The following RXFP1 variants were observed in gnomAD, a reference collection of about 807,000 sequenced individuals.
RXFP1 encodes the protein relaxin family peptide receptor 1.
RXFP1 carries 73 observed loss-of-function variants against 89.8 expected under a neutral mutation model. The ratio of observed to expected loss-of-function variants is 0.81; its 90% CI spans 0.67 to 0.99. The LOEUF (loss-of-function observed/expected upper bound fraction) is 0.99, where lower values mean the gene tolerates loss of function less well. Ranked by LOEUF, RXFP1 falls within the 50% of genes least tolerant of loss-of-function variation. The pLI, the probability that RXFP1 is intolerant of heterozygous loss-of-function variation, is 0.00. For missense variants in RXFP1, 793 were observed against 895.5 expected (o/e 0.89, Z 1.46); for synonymous variants, 277 against 305.5 (o/e 0.91, Z 0.97).
chr4:158,553,262 A>C (rs1223577652), intron 1 of RXFP1, among the ~76,000 whole-genome samples: 1 of 152,226 alleles, frequency 6.6e-6, no homozygotes, highest in Non-Finnish European at 1.5e-5. Flanking sequence ...AGAGATAAGA[A>C]ATGGCGATAT....
intron 2 of RXFP1, among the ~76,000 whole-genome samples, chr4:158,589,033 T>A (rs2150053610): frequency 6.6e-6 from 1 of 152,292 alleles, no homozygotes; most frequent in South Asian, 2.1e-4. Flanking sequence ...TGACTCACAA[T>A]TCCACATGGC....
Position 158,598,384 on chromosome 4 carries a change from A to G in RXFP1, c.287-942A>G, listed in dbSNP as rs565756086. ...GCACTTGGACATCTGGACACAGTCT[A>G]CAGTGACATTGCCTGACCGCTGGAG... On this transcript the variant is annotated intron_variant, in intron 3 of 17. Coordinates refer to ENST00000307765, the MANE Select transcript of RXFP1 (RefSeq NM_021634.4). Among the ~76,000 whole-genome samples the G allele has an allele frequency of 1.7e-4, 26 of 152,268 alleles. 1 individual carries two copies. The South Asian group carries it at 5.4e-3, about 31-fold the overall frequency.
chr4:158,612,125 TC>T lies in RXFP1; in HGVS notation c.537-3del. The T allele has an allele frequency of 1.9e-6, 3 of 1,593,266 alleles. No homozygotes were observed. Among genetic ancestry groups the T allele is most frequent in the Middle Eastern group, 1.7e-4 (1 of 5,844 alleles). On this transcript the variant is annotated splice_region_variant and splice_polypyrimidine_tract_variant and intron_variant, in intron 6 of 17. Coordinates refer to ENST00000307765, the MANE Select transcript of RXFP1 (RefSeq NM_021634.4). ...AATTTATTGTAGTTATTTCTCCTTT[TC>T]CAGGTATCTCAGTCATAACAGAATA...
At chr4:158,604,420 C>G (rs1762218360) in intron 4 of RXFP1, among the ~76,000 whole-genome samples, 2 of 152,050 alleles carry the variant, frequency 1.3e-5, no homozygotes, top group Admixed American at 1.3e-4. Context: ...ATTTATTTTG[C>G]TTTTACTACA....
rs552974418 is a variant in RXFP1, at chr4:158,529,091, T to C, written c.49+7066T>C. ...TTTCAATCCTCACCTTTGTGGGGAT[T>C]GAAAGGACACTCACAGAGCAACACA... On this transcript the variant is annotated intron_variant, in intron 1 of 17. Coordinates refer to ENST00000307765, the MANE Select transcript of RXFP1 (RefSeq NM_021634.4). 3.3e-5 allele frequency among the ~76,000 whole-genome samples: 5 copies of C among 152,300 alleles called. No homozygotes were observed. In the South Asian group the frequency reaches 1.0e-3, roughly 32 times the overall value.
chr4:158,564,029 T>TA (rs935324261), intron 1 of RXFP1, among the ~76,000 whole-genome samples: 4 of 151,002 alleles, frequency 2.6e-5, no homozygotes, highest in Admixed American at 1.3e-4. Context: ...ACAATTACTT[T>TA]AAAAAAAACT....
Position 158,651,901 on chromosome 4 carries a change from G to T in RXFP1, c.2120G>T (p.Ser707Ile), listed in dbSNP as rs187147299. The change falls in exon 18 of 18, where the codon AGC (serine) becomes ATC (isoleucine). Residue 707 changes from serine to isoleucine, a missense_variant. Physicochemically the swap from Ser to Ile is moderately radical, Grantham distance 142. Coordinates refer to ENST00000307765, the MANE Select transcript of RXFP1 (RefSeq NM_021634.4). Reference protein sequence around the residue: ...YNYRQRKSMDSKGQKTYAPSF... With the variant: ...YNYRQRKSMDIKGQKTYAPSF... ...TACAGACAAAGAAAATCTATGGACA[G>T]CAAAGGTCAGAAAACATATGCTCCA... 6.2e-7 allele frequency: 1 copy of T among 1,614,118 alleles called. No individual in the cohort carries two copies. The highest frequency in any genetic ancestry group is 2.2e-5 in the East Asian group (1 of 44,880).
chr4:158,649,117 A>C (rs1772131049), intron 17 of RXFP1, among the ~76,000 whole-genome samples: 1 of 152,166 alleles, frequency 6.6e-6, no homozygotes, highest in Non-Finnish European at 1.5e-5. Context: ...AAAAAATTGT[A>C]AAAATTGTAA....
chr4:158,607,204 C>T, intron 5 of RXFP1: 1 of 1,052,440 alleles, frequency 9.5e-7, no homozygotes, highest in East Asian at 2.6e-5. Context: ...GTACCCATTT[C>T]CTTTGACCTC....
intron 9 of RXFP1, among the ~76,000 whole-genome samples, chr4:158,620,978 T>C (rs1765515038): frequency 6.6e-6 from 1 of 151,622 alleles, no homozygotes; most frequent in Non-Finnish European, 1.5e-5. Context: ...TTTAAAAAAT[T>C]AGCTGAGCGT....
intron 1 of RXFP1, among the ~76,000 whole-genome samples, chr4:158,545,962 A>G (rs1357889736): frequency 6.6e-6 from 1 of 151,262 alleles, no homozygotes; most frequent in African/African-American, 2.5e-5. Context: ...TGAACTTTAA[A>G]GTAGTTTTTT....
intron 11 of RXFP1, among the ~76,000 whole-genome samples, chr4:158,631,693 TA>T (rs1192640414): frequency 6.6e-6 from 1 of 152,128 alleles, no homozygotes; most frequent in African/African-American, 2.4e-5. Context: ...GCATGGGGAT[TA>T]AAATACTGAA....
intron 9 of RXFP1, among the ~76,000 whole-genome samples, chr4:158,626,558 C>T (rs560858049): frequency 6.6e-6 from 1 of 152,122 alleles, no homozygotes; most frequent in East Asian, 1.9e-4. Context: ...TTGTTCTTTT[C>T]AATTTCTCAT....
chr4:158,560,500 C>T (rs1752215109), intron 1 of RXFP1, among the ~76,000 whole-genome samples: 1 of 152,222 alleles, frequency 6.6e-6, no homozygotes, highest in Non-Finnish European at 1.5e-5. Context: ...AGAAAGGACA[C>T]TTCGGAGTTT....
intron 9 of RXFP1, among the ~76,000 whole-genome samples, chr4:158,624,393 T>A (rs1766286986): frequency 6.6e-6 from 1 of 152,128 alleles, no homozygotes; most frequent in African/African-American, 2.4e-5. Flanking sequence ...TGAATGCCAC[T>A]AAGGGACAAG....
chr4:158,552,558 T>A (rs73860521), intron 1 of RXFP1, among the ~76,000 whole-genome samples: 287 of 152,324 alleles, frequency 1.9e-3, no homozygotes, highest in African/African-American at 6.4e-3. Flanking sequence ...TCAGAGCTTA[T>A]TTGCTTACTT....
chr4:158,523,951 T>A (rs1741814639), intron 1 of RXFP1, among the ~76,000 whole-genome samples: 1 of 152,224 alleles, frequency 6.6e-6, no homozygotes, highest in Non-Finnish European at 1.5e-5. Context: ...GGAAAGGCGA[T>A]GTGATATCAT....
chr4:158,635,286 G>A (rs72693373), intron 12 of RXFP1, among the ~76,000 whole-genome samples: 21,942 of 152,028 alleles, frequency 0.14, 1,846 homozygotes, highest in Admixed American at 0.22. Flanking sequence ...TGATGCTATT[G>A]TAAATGGAAT....
At chr4:158,547,893 C>G (rs143662788) in intron 1 of RXFP1, among the ~76,000 whole-genome samples, 29,085 of 151,724 alleles carry the variant, frequency 0.19, 3,583 homozygotes, top group African/African-American at 0.34. Context: ...TTTGGAATAG[C>G]TGTGGTGTGG....
Sources: gnomAD v4.1 joint callset for allele counts (sites outside exome capture counted in the v4.1 genomes callset) on GRCh38, gnomAD v4.1.1 for gene constraint, MANE v1.5 for transcripts, NCBI Gene and HGNC (gene_info 2026-07-23, HGNC 2026-07-21) for gene names.